The following STRA6 variants were observed in gnomAD, a reference collection of about 807,000 sequenced individuals.
STRA6 encodes the protein receptor for retinol uptake STRA6.
A neutral mutation model predicts 83.6 loss-of-function variants in STRA6; 48 were observed. The observed-to-expected ratio is 0.57, with a 90% CI of 0.46 to 0.73. STRA6 has a LOEUF of 0.73. Among genes scored for constraint, STRA6 ranks in the 30% least tolerant of loss-of-function variants. The pLI, the probability that STRA6 is intolerant of heterozygous loss-of-function variation, is 0.00. For synonymous variants in STRA6, 353 were observed against 362.3 expected (o/e 0.97, Z 0.29); for missense variants, 760 against 838.8 (o/e 0.91, Z 1.16).
upstream of STRA6, among the ~76,000 whole-genome samples, chr15:74,210,501 G>C (rs76379358): frequency 7.2e-3 from 1,090 of 152,314 alleles, 11 homozygotes; most frequent in African/African-American, 0.025. Flanking sequence ...ATGTATGTGT[G>C]TACACATAAA....
intron 2 of STRA6, among the ~76,000 whole-genome samples, chr15:74,201,374 C>T (rs1337528063): frequency 1.3e-5 from 2 of 152,160 alleles, no homozygotes; most frequent in African/African-American, 4.8e-5. Flanking sequence ...GGGGCCAGGC[C>T]TGGGAACAAC....
intron 1 of STRA6, chr15:74,207,807 C>A (rs2074295618): frequency 6.5e-7 from 1 of 1,535,594 alleles, no homozygotes; most frequent in Admixed American, 2.0e-5. Context: ...CACTCACACA[C>A]ACATCCAACT....
intron 12 of STRA6, among the ~76,000 whole-genome samples, chr15:74,186,211 G>A (rs906945026): frequency 6.6e-6 from 1 of 152,224 alleles, no homozygotes; most frequent in African/African-American, 2.4e-5. Context: ...GACAGCCACT[G>A]CTCTGGGGGC....
Position 74,202,163 on chromosome 15 carries a change from C to T in STRA6, c.105G>A (p.Gln35=), listed in dbSNP as rs199782189. The T allele has an allele frequency of 5.9e-4, 892 of 1,505,518 alleles. 5 individuals carry two copies. In the South Asian group the frequency reaches 0.01, roughly 17 times the overall value. 93.3% of individuals were successfully genotyped at this position (1,505,518 alleles called of 1,614,324 possible). A position where few individuals can be genotyped will look rare whatever the true frequency, so the allele number is the denominator to read the frequency against. ...IDEPQGGEEL[Q]PEGEVPSCHT... is the part of the protein sequence containing the mutation. ...GGTGGTTCCACACTTACCCCTCTGG[C>T]TGGAGCTCCTCGCCCCCCTGGGGCT... Residue 35 remains glutamine, a synonymous_variant, in exon 2 of 19, where the codon CAG becomes CAA. Transcript: ENST00000395105.
chr15:74,183,651 TC>T, intron 14 of STRA6: 2 of 1,465,192 alleles, frequency 1.4e-6, no homozygotes, highest in Non-Finnish European at 1.8e-6. Flanking sequence ...ACACTCAATT[TC>T]CCGAGGGCTC....
chr15:74,202,555 G>GCTCGT lies in STRA6; in HGVS notation c.-16+157_-16+158insACGAG, dbSNP rs139500165. Reference sequence around the variant, plus strand: ...CTGCAGAGATAGCTGTCCCCTTGGGGCCCCGGGGCTCCCGCTGGCGCATCT... The same window carrying GCTCGT: ...CTGCAGAGATAGCTGTCCCCTTGGGGCTCGTCCCCGGGGCTCCCGCTGGCGCATCT... On this transcript the variant is annotated intron_variant, in intron 1 of 18. Coordinates refer to ENST00000395105, the MANE Select transcript of STRA6 (RefSeq NM_022369.4). 32,686 of 1,479,374 alleles carry GCTCGT rather than the reference G, an allele frequency of 0.022. 456 individuals are homozygous for GCTCGT. Among genetic ancestry groups the GCTCGT allele is most frequent in the South Asian group, 0.043 (3,299 of 75,864 alleles). 91.6% of individuals were successfully genotyped at this position (1,479,374 alleles called of 1,614,324 possible).
chr15:74,192,133 G>A (rs1567188527), intron 8 of STRA6: 1 of 159,478 alleles, frequency 6.3e-6, no homozygotes, highest in African/African-American at 2.4e-5. Context: ...CTCAAAGCTT[G>A]ATGGGGGTCC....
upstream of STRA6, among the ~76,000 whole-genome samples, chr15:74,207,211 TAGA>T (rs1340147372): frequency 6.6e-6 from 1 of 152,142 alleles, no homozygotes; most frequent in Non-Finnish European, 1.5e-5. Flanking sequence ...GTGCCAAGCT[TAGA>T]AGAAGCTAAC....
At chr15:74,211,655 C>T (rs751325943), upstream of STRA6, among the ~76,000 whole-genome samples, 2 of 152,064 alleles carry the variant, frequency 1.3e-5, no homozygotes, top group Non-Finnish European at 2.9e-5. Context: ...CTGCCCACCT[C>T]GGCCTCCCAA....
At chr15:74,183,798 C>A in intron 14 of STRA6, 58 bp downstream of exon 14, 1 of 1,612,528 alleles carries the variant, frequency 6.2e-7, no homozygotes. Flanking sequence ...CCAACTGAGG[C>A]CAGTGTCTGA....
At chr15:74,196,506 C>T (rs767315375) in intron 4 of STRA6, among the ~76,000 whole-genome samples, 6 of 152,196 alleles carry the variant, frequency 3.9e-5, no homozygotes, top group South Asian at 2.1e-4. Context: ...CAACAGCCGC[C>T]GCCCTGGGCT....
rs28498644 is a variant in STRA6 at position 74,188,557 on chromosome 15, G to C, written c.1090+558C>G. ...TCCCCTCCACAGCGCTGTTGGGAGC[G>C]CCCAGGAGGCAGAGTAAGTAGGTGG... is the stretch of plus-strand genomic sequence containing the variant. On this transcript the variant is annotated intron_variant, in intron 12 of 18. Transcript: ENST00000395105. The surrounding 1 kb of genome is among the most constrained non-coding windows in gnomAD (Gnocchi z 4.5). Among the ~76,000 whole-genome samples the C allele has an allele frequency of 6.6e-6, 1 of 152,338 alleles. No individual in the cohort carries two copies. The highest frequency in any genetic ancestry group is 2.1e-4 in the South Asian group (1 of 4,830).
chr15:74,183,934 G>C lies in STRA6; in HGVS notation c.1222C>G (p.Arg408Gly), dbSNP rs763093971. The C allele has an allele frequency of 5.0e-6, 8 of 1,613,754 alleles. No homozygotes were observed. In the Admixed American group the frequency reaches 6.7e-5, roughly 13 times the overall value. The change falls in exon 14 of 19, where the codon CGG becomes GGG. Residue 408 changes from arginine to glycine, a missense_variant. Coordinates refer to ENST00000395105, the MANE Select transcript of STRA6 (RefSeq NM_022369.4). ...GCTTGGCGGGAGGGATGGGGACTCC[G>C]ATGCAAGGGACTCAAGTCCAGGGCA... is the stretch of plus-strand genomic sequence containing the variant. ...GAALDLSPLH[R>G]SPHPSRQAIF...
At chr15:74,194,636 G>A (rs1412237750) in intron 7 of STRA6, 4 of 685,984 alleles carry the variant, frequency 5.8e-6, no homozygotes, top group South Asian at 7.3e-5. Context: ...TGAAGTGACG[G>A]CTCTTGGGAG....
intron 12 of STRA6, 41 bp from the exon 13 acceptor site, chr15:74,185,096 GGA>G: frequency 6.2e-7 from 1 of 1,604,060 alleles, no homozygotes; most frequent in Non-Finnish European, 8.5e-7. Flanking sequence ...GTCAGGGTCT[GGA>G]GAGTCTCCTG....
intron 13 of STRA6, 29 bp downstream of exon 13, chr15:74,184,951 C>A: frequency 6.2e-7 from 1 of 1,608,594 alleles, no homozygotes; most frequent in Non-Finnish European, 8.5e-7. Flanking sequence ...CCCACCTCGG[C>A]GCTGGGTGAG....
rs531942178 is a variant in STRA6, at chr15:74,192,259, G to A, written c.721-768C>T. 7.9e-5 allele frequency among the ~76,000 whole-genome samples: 12 copies of A among 152,288 alleles called. No individual in the cohort carries two copies. In the South Asian group the frequency reaches 2.5e-3, roughly 32 times the overall value. On this transcript the variant is annotated intron_variant, in intron 8 of 18. Transcript: ENST00000395105. ...GGGTGGTGGAAACCCTGGAAGAGAA[G>A]GTAAAGGGGCATGCCTCAGGCACTG...
intron 14 of STRA6, 121 bp from the exon 15 acceptor site, chr15:74,182,581 G>T: frequency 1.3e-6 from 1 of 757,442 alleles, no homozygotes; most frequent in Non-Finnish European, 2.3e-6. Flanking sequence ...TCTCTGCTCT[G>T]CCACTGCCTA....
At chr15:74,181,009 C>A in intron 17 of STRA6, 72 bp from the exon 18 acceptor site, 3 of 1,579,232 alleles carry the variant, frequency 1.9e-6, no homozygotes, top group Non-Finnish European at 1.7e-6. Flanking sequence ...CATCCCCTAA[C>A]ACACACACAG....
Sources: allele counts gnomAD v4.1 joint callset (sites outside exome capture counted in the v4.1 genomes callset), GRCh38; gene constraint gnomAD v4.1.1; non-coding constraint Gnocchi (gnomAD v3.1); transcripts MANE v1.5; gene names NCBI Gene and HGNC (gene_info 2026-07-23, HGNC 2026-07-21).